The following ADGRG6 variants were observed in gnomAD, a reference collection of about 807,000 sequenced individuals.
The protein encoded by ADGRG6 is G-protein coupled receptor 126.
A neutral mutation model predicts 142.4 loss-of-function variants in ADGRG6; 84 were observed. That is an observed-to-expected ratio of 0.59 (90% CI 0.49 to 0.71). The LOEUF (loss-of-function observed/expected upper bound fraction) is 0.71, where lower values mean the gene tolerates loss of function less well. ADGRG6 is among the 30% of genes least tolerant of loss of function. ADGRG6 has a pLI of 0.00. For missense variants in ADGRG6, 1,367 were observed against 1,466.6 expected, an observed-to-expected ratio of 0.93 and a Z score of 1.11; for synonymous variants, 521 against 520.5, an observed-to-expected ratio of 1.00 and a Z score of -0.01.
intron 6 of ADGRG6, among the ~76,000 whole-genome samples, chr6:142,387,979 T>C (rs1363102414): frequency 1.3e-5 from 2 of 152,208 alleles, no homozygotes; most frequent in African/African-American, 2.4e-5. Context: ...GATTTGTGAA[T>C]AGCTTTTAAA....
At chr6:142,360,800 G>C (rs1780675035) in intron 2 of ADGRG6, among the ~76,000 whole-genome samples, 1 of 152,172 alleles carries the variant, frequency 6.6e-6, no homozygotes, top group Admixed American at 6.5e-5. Context: ...TGGGATTACA[G>C]GCATGTGCCA....
At chr6:142,344,851 T>C (rs1779817666) in intron 2 of ADGRG6, among the ~76,000 whole-genome samples, 1 of 151,946 alleles carries the variant, frequency 6.6e-6, no homozygotes, top group Non-Finnish European at 1.5e-5. Context: ...CATCAAGTTG[T>C]TTTGTGATAA....
In ADGRG6 at chr6:142,405,734, T is replaced by C. The variant is rs1775771570; in HGVS notation, c.2174T>C (p.Leu725Ser). The C allele has an allele frequency of 6.2e-7, 1 of 1,608,826 alleles. No homozygotes were observed. The highest frequency in any genetic ancestry group is 1.7e-5 in the Admixed American group (1 of 59,860). The stretch of plus-strand genomic sequence containing the variant: ...GTGGATCCACTGGCATCTGTAATTT[T>C]GCCTCCAAACTTACTTGAGAATTTA... ...GQVDPLASVI[L>S]PPNLLENLSP... Residue 725 changes from leucine to serine, a missense_variant, in exon 15 of 25, where the codon TTG (leucine) becomes TCG (serine). Physicochemically the swap from Leu to Ser is moderately radical, Grantham distance 145 (BLOSUM62 -2). Around this residue, in one of 3 missense-constraint regions of ADGRG6, gnomAD observed 286 missense variants for 371.4 expected, o/e 0.77. Coordinates refer to ENST00000367609, the MANE Select transcript of ADGRG6 (RefSeq NM_198569.3).
chr6:142,316,760 A>C (rs2114561778), intron 2 of ADGRG6, among the ~76,000 whole-genome samples: 2 of 152,176 alleles, frequency 1.3e-5, no homozygotes, highest in South Asian at 4.1e-4. Context: ...CAGTGCTATG[A>C]GGAGGAAAAG....
At chr6:142,324,151 T>G (rs1046028188) in intron 2 of ADGRG6, among the ~76,000 whole-genome samples, 1 of 152,138 alleles carries the variant, frequency 6.6e-6, no homozygotes, top group Non-Finnish European at 1.5e-5. Flanking sequence ...CCTTATTGCC[T>G]GTTGCCTCAG....
At chr6:142,397,179 T>C (rs1775241410) in intron 9 of ADGRG6, among the ~76,000 whole-genome samples, 1 of 152,100 alleles carries the variant, frequency 6.6e-6, no homozygotes, top group Non-Finnish European at 1.5e-5. Flanking sequence ...AAATAGTTAA[T>C]TTCTAATAGT....
At chr6:142,306,504 C>T (rs1001908191) in intron 1 of ADGRG6, among the ~76,000 whole-genome samples, 7 of 152,220 alleles carry the variant, frequency 4.6e-5, no homozygotes, top group Admixed American at 4.6e-4. Flanking sequence ...ATCTTATGAT[C>T]TTGGGCAAGT....
intron 2 of ADGRG6, among the ~76,000 whole-genome samples, chr6:142,362,113 G>A (rs968202933): frequency 6.6e-6 from 1 of 152,218 alleles, no homozygotes; most frequent in Non-Finnish European, 1.5e-5. Flanking sequence ...AAAGAGATGT[G>A]TTTGAGGGTG....
intron 2 of ADGRG6, among the ~76,000 whole-genome samples, chr6:142,336,985 A>T (rs1327572454): frequency 6.6e-6 from 1 of 152,160 alleles, no homozygotes; most frequent in Non-Finnish European, 1.5e-5. Context: ...TAAAGTGTGG[A>T]TGGTTTTGCC....
At chr6:142,307,301 G>T (rs770062246) in intron 1 of ADGRG6, among the ~76,000 whole-genome samples, 29 of 152,080 alleles carry the variant, frequency 1.9e-4, no homozygotes, top group Admixed American at 1.0e-3. Flanking sequence ...GTGACAGCCA[G>T]GTTTGATTGG....
intron 3 of ADGRG6, among the ~76,000 whole-genome samples, chr6:142,368,960 T>C (rs1295549489): frequency 6.6e-6 from 1 of 152,156 alleles, no homozygotes; most frequent in Non-Finnish European, 1.5e-5. Context: ...CTGGTTCATA[T>C]TGTGTCTCTT....
intron 10 of ADGRG6, among the ~76,000 whole-genome samples, chr6:142,400,248 C>A (rs1775439286): frequency 6.6e-6 from 1 of 151,758 alleles, no homozygotes; most frequent in South Asian, 2.1e-4. Flanking sequence ...GTGTTTTTTA[C>A]TTAAGGTTTT....
intron 2 of ADGRG6, among the ~76,000 whole-genome samples, chr6:142,310,473 G>A (rs888785420): frequency 3.3e-5 from 5 of 151,386 alleles, no homozygotes; most frequent in Non-Finnish European, 7.4e-5. Flanking sequence ...AATTCTTGAA[G>A]TCTTATGTAT....
chr6:142,400,572 CT>C lies in ADGRG6; in HGVS notation c.1656del (p.Gly553AlafsTer17). The C allele has an allele frequency of 1.9e-6, 3 of 1,586,350 alleles. No individual in the cohort carries two copies. Among genetic ancestry groups the C allele is most frequent in the Non-Finnish European group, 2.6e-6 (3 of 1,155,428 alleles). On this transcript the variant is annotated frameshift_variant, in exon 11 of 25. Coordinates refer to ENST00000367609, the MANE Select transcript of ADGRG6 (RefSeq NM_198569.3). LOFTEE classifies it high-confidence loss of function. ...SEYVLPCPDK[P>X]GFSASRICFY... is the part of the protein sequence containing the mutation. ...TACGTTCTTCCTTGTCCAGACAAGC[CT>C]GGCTTTTCTGCTTCTCGGATATGGT...
chr6:142,324,434 T>G (rs1264492138), intron 2 of ADGRG6, among the ~76,000 whole-genome samples: 1 of 152,072 alleles, frequency 6.6e-6, no homozygotes, highest in Non-Finnish European at 1.5e-5. Flanking sequence ...GAAAACATTT[T>G]TTCCTCTGGC....
intron 22 of ADGRG6, among the ~76,000 whole-genome samples, chr6:142,428,884 G>A (rs1231411830): frequency 6.6e-6 from 1 of 152,058 alleles, no homozygotes; most frequent in Non-Finnish European, 1.5e-5. Flanking sequence ...TAAACATTTT[G>A]TTGATTTTTT....
chr6:142,429,389 T>A (rs1172091711), intron 22 of ADGRG6, among the ~76,000 whole-genome samples: 1 of 150,440 alleles, frequency 6.6e-6, no homozygotes, highest in Non-Finnish European at 1.5e-5. Context: ...ATTCAGTCCC[T>A]CACAAGTGAA....
At chr6:142,393,112 A>G (rs936878414) in intron 8 of ADGRG6, 112 bp downstream of exon 8, 6 of 610,344 alleles carry the variant, frequency 9.8e-6, no homozygotes, top group African/African-American at 3.7e-5. Flanking sequence ...CATAGCTACT[A>G]TATACATAAT....
chr6:142,371,815 C>T (rs149149274), intron 4 of ADGRG6, among the ~76,000 whole-genome samples: 19 of 152,210 alleles, frequency 1.2e-4, no homozygotes, highest in African/African-American at 4.3e-4. Context: ...AAAGGTGATA[C>T]AGTAATAAAC....
Sources: gnomAD v4.1 joint callset for allele counts (sites outside exome capture counted in the v4.1 genomes callset) on GRCh38, gnomAD v4.1.1 for gene constraint, gnomAD v4.1.1 regional missense constraint, MANE v1.5 for transcripts, NCBI Gene and HGNC (gene_info 2026-07-23, HGNC 2026-07-21) for gene names.